The following PREX2 variants were observed in gnomAD, a reference collection of about 807,000 sequenced individuals.
PREX2 encodes the protein phosphatidylinositol-3,4,5-trisphosphate dependent Rac exchange factor 2, also known as phosphatidylinositol 3,4,5-trisphosphate-dependent Rac exchanger 2 protein.
A neutral mutation model predicts 203.2 loss-of-function variants in PREX2; 107 were observed. The ratio of observed to expected loss-of-function variants is 0.53; its 90% CI spans 0.45 to 0.62. The LOEUF (loss-of-function observed/expected upper bound fraction) is 0.62. Among genes scored for constraint, PREX2 ranks in the 20% least tolerant of loss-of-function variants. PREX2 has a pLI of 0.00. For synonymous variants in PREX2, 672 were observed against 663.6 expected (o/e 1.01, Z -0.19); for missense variants, 1,777 against 1,955.9 (o/e 0.91, Z 1.72).
At chr8:68,048,734 G>T (rs1006532426) in intron 8 of PREX2, among the ~76,000 whole-genome samples, 6 of 151,926 alleles carry the variant, frequency 3.9e-5, no homozygotes, top group African/African-American at 1.4e-4. Flanking sequence ...TTAATGCATA[G>T]ATTTAAAAAT....
In PREX2 at chr8:68,108,261, T is replaced by C. The variant is rs4260880; in HGVS notation, c.2868T>C (p.Ser956=). The part of the protein sequence containing the change: ...SYPKTSTSLG[S]AFGVQLDSRK... Reference sequence around the variant, plus strand: ...CCAAAACATCAACCTCTTTGGGAAGTGCATTTGGTGTTCAGTTGGATAGCA... The same window carrying C: ...CCAAAACATCAACCTCTTTGGGAAGCGCATTTGGTGTTCAGTTGGATAGCA... Residue 956 remains serine (S), a synonymous_variant, in exon 24 of 40, where the codon AGT becomes AGC. Transcript: ENST00000288368. 682,874 of 1,612,828 alleles carry C rather than the reference T, an allele frequency of 0.42. 146,358 individuals are homozygous for C. Among genetic ancestry groups the C allele is most frequent in the African/African-American group, 0.52 (39,084 of 74,920 alleles).
chr8:68,231,614 TATTGAC>T lies in PREX2; in HGVS notation c.*240_*245del. ...AGCTTCACGAACTGATGTCTCTCTG[TATTGAC>T]ATTAAGTATTCACTTTTAGAGTAAA... On this transcript the variant is annotated 3_prime_UTR_variant, in exon 40 of 40. Transcript: ENST00000288368. The T allele has an allele frequency of 2.7e-6, 1 of 374,132 alleles. No individual in the cohort carries two copies. Among genetic ancestry groups the T allele is most frequent in the Non-Finnish European group, 4.7e-6 (1 of 211,498 alleles). The allele number at this position is 374,132 out of a possible 1,614,324, so 23.2% of individuals were successfully genotyped here.
At position 68,138,429 on chromosome 8, in the gene PREX2, C is replaced by A; in HGVS notation, c.3999C>A (p.Ala1333=). ...LLSPNLTDEQ[A]MLEDTLVALF... is the part of the protein sequence containing the mutation. ...TTTCTTTGTAGACAGATGAACAAGCCATGTTAGAAGATACACTGGTTGCAC... is the reference window on the plus strand; with the variant it reads ...TTTCTTTGTAGACAGATGAACAAGCAATGTTAGAAGATACACTGGTTGCAC... Residue 1333 remains alanine (A), a synonymous_variant, in exon 33 of 40, where the codon GCC becomes GCA. Coordinates refer to ENST00000288368, the MANE Select transcript of PREX2 (RefSeq NM_024870.4). 1 of 1,583,990 alleles carries A rather than the reference C, an allele frequency of 6.3e-7. No homozygotes were observed. The highest frequency in any genetic ancestry group is 8.6e-7 in the Non-Finnish European group (1 of 1,160,410).
At chr8:68,155,462 C>A (rs1299197007) in intron 34 of PREX2, among the ~76,000 whole-genome samples, 1 of 152,030 alleles carries the variant, frequency 6.6e-6, no homozygotes, top group Non-Finnish European at 1.5e-5. Context: ...CTTCAGTGTT[C>A]TGGAATTCTG....
intron 37 of PREX2, among the ~76,000 whole-genome samples, chr8:68,200,558 GTTCT>G (rs1427537179): frequency 1.3e-5 from 2 of 150,994 alleles, no homozygotes; most frequent in African/African-American, 4.9e-5. Context: ...TGTAATAAAA[GTTCT>G]TTATCCTTAA....
chr8:68,191,348 G>A (rs1270857651), intron 35 of PREX2, among the ~76,000 whole-genome samples: 1 of 152,064 alleles, frequency 6.6e-6, no homozygotes, highest in Non-Finnish European at 1.5e-5. Context: ...TAATAATATT[G>A]ATCATTATAA....
At chr8:67,990,321 A>G (rs767389703) in intron 1 of PREX2, among the ~76,000 whole-genome samples, 28 of 151,448 alleles carry the variant, frequency 1.8e-4, no homozygotes, top group Non-Finnish European at 3.5e-4. Context: ...GTTGCTGGAT[A>G]TGGGTGATGC....
At chr8:68,092,753 T>C (rs1809920218) in intron 20 of PREX2, among the ~76,000 whole-genome samples, 1 of 152,194 alleles carries the variant, frequency 6.6e-6, no homozygotes, top group African/African-American at 2.4e-5. Flanking sequence ...GGGGAACATG[T>C]AAATGATTTG....
chr8:68,224,476 A>C, intron 38 of PREX2, 83 bp from the exon 39 acceptor site: 1 of 1,033,096 alleles, frequency 9.7e-7, no homozygotes, highest in Non-Finnish European at 1.5e-6. Context: ...TGTTTGAATA[A>C]GTATCCTACA....
intron 35 of PREX2, among the ~76,000 whole-genome samples, chr8:68,169,370 AT>A (rs1811827522): frequency 6.6e-6 from 1 of 151,930 alleles, no homozygotes; most frequent in East Asian, 1.9e-4. Context: ...AAGTCAATGA[AT>A]TTCACTACAA....
At chr8:68,019,392 G>T (rs372851154) in intron 2 of PREX2, among the ~76,000 whole-genome samples, 157 bp from the exon 3 acceptor site, 1 of 152,212 alleles carries the variant, frequency 6.6e-6, no homozygotes, top group Non-Finnish European at 1.5e-5. Flanking sequence ...TGTCGGCGGC[G>T]TGAAGGGGAA....
chr8:68,041,032 A>G (rs187354506), intron 7 of PREX2, among the ~76,000 whole-genome samples: 31 of 152,326 alleles, frequency 2.0e-4, no homozygotes, highest in Admixed American at 2.0e-4. Context: ...GATTTTAAGC[A>G]AAATAGTAGA....
intron 23 of PREX2, among the ~76,000 whole-genome samples, chr8:68,102,434 A>T (rs747463930): frequency 5.9e-5 from 9 of 152,240 alleles, no homozygotes; most frequent in Non-Finnish European, 1.3e-4. Context: ...CAAGGTTAGC[A>T]AGAAAACACT....
chr8:68,090,565 A>C lies in PREX2; in HGVS notation c.2114-14A>C. 1 of 1,589,886 alleles carries C rather than the reference A, an allele frequency of 6.3e-7. No individual in the cohort carries two copies. Among genetic ancestry groups the C allele is most frequent in the Non-Finnish European group, 8.6e-7 (1 of 1,162,020 alleles). On this transcript the variant is annotated splice_polypyrimidine_tract_variant and intron_variant, in intron 19 of 39. Transcript: ENST00000288368. ...GAAATTTGTTTTTGGTTATTTTCTC[A>C]TTTGTATTTATAGGAACTGTGGCTG... is the stretch of plus-strand genomic sequence containing the variant.
At chr8:68,105,883 T>C (rs1810398530) in intron 23 of PREX2, 1 of 152,372 alleles carries the variant, frequency 6.6e-6, no homozygotes, top group Non-Finnish European at 1.5e-5. Context: ...AAGCAATGCA[T>C]TACTGTATTA....
intron 33 of PREX2, among the ~76,000 whole-genome samples, chr8:68,144,344 C>T (rs1811284698): frequency 6.6e-6 from 1 of 152,080 alleles, no homozygotes; most frequent in African/African-American, 2.4e-5. Context: ...TTTCCATTTA[C>T]TGAGTTCTTA....
chr8:68,014,001 A>G lies in PREX2; in HGVS notation c.142-3845A>G, dbSNP rs533701918. On this transcript the variant is annotated intron_variant, in intron 1 of 39. Coordinates refer to ENST00000288368, the MANE Select transcript of PREX2 (RefSeq NM_024870.4). The stretch of plus-strand genomic sequence containing the variant: ...TACTATGTGTGCCTGGACTGATGAA[A>G]AGAGTGGGAAGGGCAAAAATATGTT... Among the ~76,000 whole-genome samples, 6 of 152,208 alleles carry G rather than the reference A, an allele frequency of 3.9e-5. No individual in the cohort carries two copies. The South Asian group carries it at 1.2e-3, about 31-fold the overall frequency.
intron 10 of PREX2, among the ~76,000 whole-genome samples, chr8:68,059,258 C>T (rs1308405049): frequency 6.6e-6 from 1 of 151,480 alleles, no homozygotes; most frequent in Non-Finnish European, 1.5e-5. Flanking sequence ...TAAAATGTCT[C>T]TGTATTTAGT....
At chr8:68,217,152 T>C (rs1563591969) in intron 37 of PREX2, among the ~76,000 whole-genome samples, 1 of 152,154 alleles carries the variant, frequency 6.6e-6, no homozygotes, top group Non-Finnish European at 1.5e-5. Context: ...AATAAACACA[T>C]TTTAAAAAAT....
Sources: allele counts gnomAD v4.1 joint callset (sites outside exome capture counted in the v4.1 genomes callset), GRCh38; gene constraint gnomAD v4.1.1; transcripts MANE v1.5; gene names NCBI Gene and HGNC (gene_info 2026-07-23, HGNC 2026-07-21).